MAP3K15: variants seen among roughly 807,000 people sequenced by gnomAD.
MAP3K15 encodes mitogen-activated protein kinase kinase kinase 15.
MAP3K15 carries 124 observed loss-of-function variants against 99.5 expected under a neutral mutation model. The ratio of observed to expected loss-of-function variants is 1.25; its 90% CI spans 1.08 to 1.45. MAP3K15 has a LOEUF of 1.45. Ranked by LOEUF, MAP3K15 falls within the 40% of genes most tolerant of loss-of-function variation. MAP3K15 has a pLI of 0.00. For missense variants in MAP3K15, 1,242 were observed against 1,079.7 expected, an observed-to-expected ratio of 1.15 and a Z score of -2.11; for synonymous variants, 494 against 439.6, an observed-to-expected ratio of 1.12 and a Z score of -1.55.
intron 25 of MAP3K15, among the ~76,000 whole-genome samples, chrX:19,367,729 T>A (rs1322799864): frequency 4.2e-5 from 2 of 47,243 alleles, no homozygotes; most frequent in African/African-American, 2.8e-4. Flanking sequence ...ATGGATTTTT[T>A]TTTTTTTTTT....
At chrX:19,475,451 G>C (rs771404265) in intron 3 of MAP3K15, among the ~76,000 whole-genome samples, 1 of 110,878 alleles carries the variant, frequency 9.0e-6, no homozygotes, top group Non-Finnish European at 1.9e-5. Context: ...ACATATTCTG[G>C]GAAGGGCCCA....
At chrX:19,505,603 G>C (rs928163995) in intron 1 of MAP3K15, among the ~76,000 whole-genome samples, 3 of 111,295 alleles carry the variant, frequency 2.7e-5, no homozygotes, top group Non-Finnish European at 5.7e-5. Context: ...GGAAGGCCTA[G>C]TGGATTCACC....
In MAP3K15 at chrX:19,361,341, TA is replaced by T. The variant is rs762188631; in HGVS notation, c.3854del (p.Leu1285HisfsTer70). 4 of 1,196,665 alleles carry T rather than the reference TA, an allele frequency of 3.3e-6. No individual in the cohort carries two copies. In the East Asian group the frequency reaches 8.9e-5, roughly 27 times the overall value. On this transcript the variant is annotated frameshift_variant, in exon 28 of 29. Coordinates refer to ENST00000338883, the MANE Select transcript of MAP3K15 (RefSeq NM_001001671.4). LOFTEE classifies it low-confidence loss of function (END_TRUNC). ...ACAAACTGTTTTGAGGCTCTTACCGTAGTCGAAGGTATCTTAGATCTTCCTT... is the reference window on the plus strand; with the variant it reads ...ACAAACTGTTTTGAGGCTCTTACCGTGTCGAAGGTATCTTAGATCTTCCTT... ...ITKEDLRYLR[L>X]RGGLLCRLWS...
chrX:19,474,772 A>G (rs2064230627), intron 3 of MAP3K15, among the ~76,000 whole-genome samples: 1 of 111,169 alleles, frequency 9.0e-6, no homozygotes, highest in Admixed American at 9.6e-5. Context: ...ACTACTCCAA[A>G]TATTATGACA....
intron 18 of MAP3K15, 133 bp downstream of exon 18, chrX:19,391,869 C>T (rs142118655): frequency 3.0e-4 from 131 of 436,558 alleles, no homozygotes; most frequent in African/African-American, 3.0e-3. Flanking sequence ...GGACAATCCA[C>T]TGTCTACTTC....
intron 4 of MAP3K15, among the ~76,000 whole-genome samples, chrX:19,462,557 A>G (rs1326654034): frequency 9.2e-6 from 1 of 108,546 alleles, no homozygotes; most frequent in African/African-American, 3.6e-5. Flanking sequence ...CTGAAAAATA[A>G]TTTTAATAAA....
Position 19,402,442 on chromosome X carries a change from A to G in MAP3K15, c.1845-1779T>C, listed in dbSNP as rs139130028. ...AACAACCAAAGCTGAAGATAAACCT[A>G]CCCTATAATCCAGTAATCCACTCCT... On this transcript the variant is annotated intron_variant, in intron 13 of 28. Coordinates refer to ENST00000338883, the MANE Select transcript of MAP3K15 (RefSeq NM_001001671.4). 2.9e-3 allele frequency among the ~76,000 whole-genome samples: 323 copies of G among 110,976 alleles called. 2 individuals are homozygous for G. Among genetic ancestry groups the G allele is most frequent in the Middle Eastern group, 0.018 (4 of 217 alleles).
chrX:19,364,620 G>A (rs1307867001), intron 25 of MAP3K15, among the ~76,000 whole-genome samples: 1 of 111,357 alleles, frequency 9.0e-6, no homozygotes, highest in Non-Finnish European at 1.9e-5. Context: ...GAAATTCTTG[G>A]CCGGGTGCGG....
chrX:19,469,640 CA>C (rs1347467902), intron 3 of MAP3K15, among the ~76,000 whole-genome samples: 1 of 110,665 alleles, frequency 9.0e-6, no homozygotes, highest in Admixed American at 9.6e-5. Context: ...AAAATTTTTG[CA>C]ATCTACTCAT....
rs1019188665 is a variant in MAP3K15 at position 19,362,665 on chromosome X, C to T, written c.3679+73G>A. The T allele has an allele frequency of 7.0e-5, 45 of 642,016 alleles. No homozygotes were observed. The Admixed American group carries it at 1.2e-3, about 18-fold the overall frequency. The allele number at this position is 642,016 out of a possible 1,213,427, so 52.9% of individuals were successfully genotyped here. A position where few individuals can be genotyped will look rare whatever the true frequency, so the allele number is the denominator to read the frequency against. ...GAGTCCTGGATTAACAGAAGATAAC[C>T]TCAAATGTTTCTTCAAAGCTAACTA... On this transcript the variant is annotated intron_variant, in intron 26 of 28. Coordinates refer to ENST00000338883, the MANE Select transcript of MAP3K15 (RefSeq NM_001001671.4).
chrX:19,447,894 A>AAAAAAAT (rs1366469107), intron 6 of MAP3K15, among the ~76,000 whole-genome samples: 1 of 94,590 alleles, frequency 1.1e-5, no homozygotes, highest in Non-Finnish European at 2.2e-5. Flanking sequence ...AAAAAAAAAA[A>AAAAAAAT]AAAAAAAAAA....
intron 3 of MAP3K15, among the ~76,000 whole-genome samples, chrX:19,475,849 C>T (rs1208476508): frequency 8.9e-6 from 1 of 112,071 alleles, no homozygotes; most frequent in Non-Finnish European, 1.9e-5. Flanking sequence ...CTAAAAAATT[C>T]CAAGGTTTAA....
intron 13 of MAP3K15, among the ~76,000 whole-genome samples, chrX:19,404,060 G>C (rs1302178683): frequency 9.0e-6 from 1 of 111,481 alleles, no homozygotes; most frequent in Non-Finnish European, 1.9e-5. Context: ...ATCTAGGTTG[G>C]AAAGGAAAAA....
chrX:19,417,724 G>A (rs1254295690), intron 9 of MAP3K15, among the ~76,000 whole-genome samples: 2 of 111,989 alleles, frequency 1.8e-5, no homozygotes, highest in African/African-American at 3.2e-5. Context: ...CTCGAGATCT[G>A]AGAATGGACA....
intron 14 of MAP3K15, among the ~76,000 whole-genome samples, chrX:19,400,157 G>A (rs1437556900): frequency 8.9e-6 from 1 of 111,940 alleles, no homozygotes; most frequent in Admixed American, 9.5e-5. Flanking sequence ...AAGAGCTGAT[G>A]AGCCTACTTT....
At chrX:19,514,795 CGAGGGG>C (rs1243772312) in intron 1 of MAP3K15, 100 bp downstream of exon 1, 1 of 45,367 alleles carries the variant, frequency 2.2e-5, no homozygotes, top group Non-Finnish European at 3.6e-5. Context: ...GGGAGGGGGA[CGAGGGG>C]GAGGGGGACG....
chrX:19,459,439 C>G (rs1211576999), intron 5 of MAP3K15, among the ~76,000 whole-genome samples: 4 of 112,531 alleles, frequency 3.6e-5, no homozygotes, highest in Non-Finnish European at 7.5e-5. Flanking sequence ...TTTATGACAT[C>G]TCTTCTTGTC....
At chrX:19,473,036 A>G (rs1344645712) in intron 3 of MAP3K15, among the ~76,000 whole-genome samples, 1 of 112,396 alleles carries the variant, frequency 8.9e-6, no homozygotes, top group East Asian at 2.8e-4. Context: ...CAGTCAGCAG[A>G]GGATCTGATC....
chrX:19,402,339 G>A lies in MAP3K15; in HGVS notation c.1845-1676C>T, dbSNP rs146249966. On this transcript the variant is annotated intron_variant, in intron 13 of 28. Coordinates refer to ENST00000338883, the MANE Select transcript of MAP3K15 (RefSeq NM_001001671.4). ...TGATATCAACTGTTCTTAAGAATAC[G>A]GAACAACTGGGACTCTCATACATTG... is the stretch of plus-strand genomic sequence containing the variant. 3.0e-3 allele frequency among the ~76,000 whole-genome samples: 329 copies of A among 110,516 alleles called. 1 individual carries two copies. Among genetic ancestry groups the A allele is most frequent in the Middle Eastern group, 4.6e-3 (1 of 218 alleles).
Sources: gnomAD v4.1 joint callset for allele counts (sites outside exome capture counted in the v4.1 genomes callset) on GRCh38, gnomAD v4.1.1 for gene constraint, MANE v1.5 for transcripts, NCBI Gene and HGNC (gene_info 2026-07-23, HGNC 2026-07-21) for gene names.